NRXN3: variants seen among roughly 807,000 people sequenced by gnomAD.
NRXN3 encodes the protein neurexin 3, also known as neurexin III.
Under a neutral mutation model 137.6 loss-of-function variants are expected in NRXN3, and 32 were observed. The observed-to-expected ratio is 0.23, with a 90% confidence interval of 0.18 to 0.31. NRXN3 has a LOEUF of 0.31. Ranked by LOEUF, NRXN3 falls within the 10% of genes least tolerant of loss-of-function variation. The pLI is 1.00. For synonymous variants in NRXN3, 798 were observed against 784.5 expected, an observed-to-expected ratio of 1.02 and a Z score of -0.29; for missense variants, 1,574 against 2,062.5, an observed-to-expected ratio of 0.76 and a Z score of 4.59.
chr14:79,167,694 A>G (rs181809066), intron 15 of NRXN3, among the ~76,000 whole-genome samples: 22 of 149,766 alleles, frequency 1.5e-4, no homozygotes, highest in African/African-American at 5.2e-4. Flanking sequence ...TTTATTTTTT[A>G]TGCCTCAACA....
chr14:79,397,570 CAAATT>C (rs1230330701), intron 15 of NRXN3, among the ~76,000 whole-genome samples: 3 of 152,118 alleles, frequency 2.0e-5, no homozygotes, highest in East Asian at 3.9e-4. Context: ...TAACAACACT[CAAATT>C]AAAAAGTAAA....
intron 1 of NRXN3, among the ~76,000 whole-genome samples, chr14:78,239,893 G>T (rs755134333): frequency 6.6e-5 from 10 of 152,092 alleles, no homozygotes; most frequent in Non-Finnish European, 1.3e-4. Flanking sequence ...TAGTAGAGAT[G>T]GGGTTTCGCC....
intron 19 of NRXN3, among the ~76,000 whole-genome samples, chr14:79,709,416 C>A (rs770541497): frequency 1.3e-5 from 2 of 152,104 alleles, no homozygotes; most frequent in African/African-American, 2.4e-5. Flanking sequence ...AATGCTGCTC[C>A]GGGTTTCAGA....
At chr14:79,086,447 A>G (rs1226384755) in intron 15 of NRXN3, among the ~76,000 whole-genome samples, 1 of 152,290 alleles carries the variant, frequency 6.6e-6, no homozygotes, top group East Asian at 1.9e-4. Context: ...TCTAGAAACT[A>G]TATGCTGGGG....
At chr14:78,835,004 T>A (rs967124829) in intron 10 of NRXN3, among the ~76,000 whole-genome samples, 1 of 151,944 alleles carries the variant, frequency 6.6e-6, no homozygotes, top group Admixed American at 6.6e-5. Flanking sequence ...GCTGTCTTGC[T>A]AAAGACATCC....
At chr14:78,873,807 A>G (rs1954772485) in intron 10 of NRXN3, among the ~76,000 whole-genome samples, 1 of 152,148 alleles carries the variant, frequency 6.6e-6, no homozygotes, top group South Asian at 2.1e-4. Flanking sequence ...CTACTGGAAC[A>G]CAATCTACGT....
rs1314427437 is a variant in NRXN3 at position 79,719,407 on chromosome 14, T to TATATGTGTGTGTGTATATAC, written c.4014+21474_4014+21475insGTGTGTGTGTATATACATAT. Among the ~76,000 whole-genome samples, 211 of 150,964 alleles carry TATATGTGTGTGTGTATATAC rather than the reference T, an allele frequency of 1.4e-3. 2 individuals are homozygous for TATATGTGTGTGTGTATATAC. Among genetic ancestry groups the TATATGTGTGTGTGTATATAC allele is most frequent in the Admixed American group, 6.9e-3 (104 of 15,118 alleles). On this transcript the variant is annotated intron_variant, in intron 19 of 20. Coordinates refer to ENST00000335750, the MANE Select transcript of NRXN3 (RefSeq NM_001330195.2). ...GTGTGTGTATATATATGTGTGTATATATATATATATATACCTTTCCCATTT... is the reference window on the plus strand; with the variant it reads ...GTGTGTGTATATATATGTGTGTATATATATGTGTGTGTGTATATACATATATATATATACCTTTCCCATTT...
intron 16 of NRXN3, among the ~76,000 whole-genome samples, chr14:79,539,789 C>T (rs942139035): frequency 1.3e-5 from 2 of 152,154 alleles, no homozygotes; most frequent in Admixed American, 6.5e-5. Context: ...AGACAATGCA[C>T]ATTCTGTGTT....
intron 15 of NRXN3, among the ~76,000 whole-genome samples, chr14:79,451,767 T>G (rs1412554647): frequency 6.6e-6 from 1 of 152,206 alleles, no homozygotes; most frequent in African/African-American, 2.4e-5. Flanking sequence ...GTGGGTCTGA[T>G]TTGTTCTTAC....
At chr14:78,968,804 G>A (rs951461512) in intron 14 of NRXN3, among the ~76,000 whole-genome samples, 1 of 152,174 alleles carries the variant, frequency 6.6e-6, no homozygotes, top group African/African-American at 2.4e-5. Flanking sequence ...AATCTAGCAG[G>A]CAATAGGAAA....
chr14:79,093,115 T>C (rs1013926862), intron 15 of NRXN3, among the ~76,000 whole-genome samples: 1 of 152,172 alleles, frequency 6.6e-6, no homozygotes, highest in Non-Finnish European at 1.5e-5. Flanking sequence ...AGTCCATTCA[T>C]TGTCAAAGGA....
chr14:78,278,528 G>C, intron 2 of NRXN3, 117 bp from the exon 3 acceptor site: 1 of 831,444 alleles, frequency 1.2e-6, no homozygotes, highest in Non-Finnish European at 2.0e-6. Context: ...GCATGAACTT[G>C]ATAGTCATGC....
intron 14 of NRXN3, among the ~76,000 whole-genome samples, chr14:78,982,234 C>A (rs915958132): frequency 1.3e-5 from 2 of 152,086 alleles, no homozygotes; most frequent in Non-Finnish European, 2.9e-5. Flanking sequence ...GGCTTTATTT[C>A]TTTATTTTTT....
chr14:79,719,003 C>A (rs2098833147), intron 19 of NRXN3, among the ~76,000 whole-genome samples: 1 of 152,134 alleles, frequency 6.6e-6, no homozygotes, highest in South Asian at 2.1e-4. Flanking sequence ...TCCTTTTTCA[C>A]TTTTTACACA....
intron 15 of NRXN3, among the ~76,000 whole-genome samples, chr14:79,227,602 T>G (rs2071179210): frequency 6.6e-6 from 1 of 152,176 alleles, no homozygotes; most frequent in Admixed American, 6.6e-5. Flanking sequence ...ATGAATAACT[T>G]TTTATTGGTG....
Position 79,334,188 on chromosome 14 carries a change from T to A in NRXN3, c.3263-133033T>A, listed in dbSNP as rs572085226. Reference sequence around the variant, plus strand: ...ATGGCATTCTAGTCAGGTATACTGATATTAAACCAATCTGGAAATAAATAT... The same window carrying A: ...ATGGCATTCTAGTCAGGTATACTGAAATTAAACCAATCTGGAAATAAATAT... On this transcript the variant is annotated intron_variant, in intron 15 of 20. Coordinates refer to ENST00000335750, the MANE Select transcript of NRXN3 (RefSeq NM_001330195.2). Among the ~76,000 whole-genome samples, 3 of 152,284 alleles carry A rather than the reference T, an allele frequency of 2.0e-5. No homozygotes were observed. The South Asian group carries it at 6.2e-4, about 32-fold the overall frequency.
At chr14:78,223,797 A>G (rs1428225244) in intron 1 of NRXN3, among the ~76,000 whole-genome samples, 5 of 152,220 alleles carry the variant, frequency 3.3e-5, no homozygotes, top group Non-Finnish European at 7.3e-5. Context: ...AGGAATTCTG[A>G]AAATCAGGCA....
At chr14:78,270,144 A>G (rs926887314) in intron 2 of NRXN3, among the ~76,000 whole-genome samples, 1 of 152,146 alleles carries the variant, frequency 6.6e-6, no homozygotes, top group Non-Finnish European at 1.5e-5. Context: ...ATTGTCATCC[A>G]AGTCTACCTG....
chr14:79,174,633 T>TAA (rs200938930), intron 15 of NRXN3, among the ~76,000 whole-genome samples: 1 of 140,220 alleles, frequency 7.1e-6, no homozygotes, highest in Non-Finnish European at 1.6e-5. Flanking sequence ...TGCGGTGGTT[T>TAA]AAAAAAAAAA....
Sources: allele counts gnomAD v4.1 joint callset (sites outside exome capture counted in the v4.1 genomes callset), GRCh38; gene constraint gnomAD v4.1.1; transcripts MANE v1.5; gene names NCBI Gene and HGNC (gene_info 2026-07-23, HGNC 2026-07-21).